The following TBC1D2B variants were observed in gnomAD, a reference collection of about 807,000 sequenced individuals.
TBC1D2B encodes the protein TBC1 domain family member 2B, also known as TBC1 domain family, member 2B.
A neutral mutation model predicts 100.8 loss-of-function variants in TBC1D2B; 64 were observed. The ratio of observed to expected loss-of-function variants is 0.64; its 90% CI spans 0.52 to 0.78. The LOEUF is 0.78. Ranked by LOEUF, TBC1D2B falls within the 30% of genes least tolerant of loss-of-function variation. The pLI is 0.00. For missense variants in TBC1D2B, 1,052 were observed against 1,218.4 expected (o/e 0.86, Z 2.03); for synonymous variants, 480 against 479.7 (o/e 1.00, Z -0.01).
intron 1 of TBC1D2B, among the ~76,000 whole-genome samples, chr15:78,068,393 A>ACC (rs774545892): frequency 2.0e-5 from 3 of 150,720 alleles, no homozygotes; most frequent in African/African-American, 4.9e-5. Context: ...CCACACACAC[A>ACC]CACACACACA....
At chr15:78,008,886 T>C (rs1051410182) in intron 10 of TBC1D2B, 111 bp downstream of exon 10, 24 of 708,812 alleles carry the variant, frequency 3.4e-5, no homozygotes, top group Non-Finnish European at 5.8e-5. Flanking sequence ...AATCAGTCTC[T>C]GAAGTCACAT....
At chr15:78,069,459 T>C (rs1295433497) in intron 1 of TBC1D2B, among the ~76,000 whole-genome samples, 1 of 152,214 alleles carries the variant, frequency 6.6e-6, no homozygotes, top group Non-Finnish European at 1.5e-5. Flanking sequence ...ACATAACATA[T>C]AAATACATCA....
chr15:78,056,686 C>CTTTTTTTTTT (rs368714497), intron 1 of TBC1D2B, among the ~76,000 whole-genome samples: 64 of 112,910 alleles, frequency 5.7e-4, no homozygotes, highest in African/African-American at 2.3e-3. Flanking sequence ...CAGTCCTCCT[C>CTTTTTTTTTT]TTTTTTTTTT....
At chr15:78,068,376 ACCACAC>A (rs964054676) in intron 1 of TBC1D2B, among the ~76,000 whole-genome samples, 5 of 111,328 alleles carry the variant, frequency 4.5e-5, no homozygotes, top group South Asian at 5.4e-4. Context: ...AAGCACACAC[ACCACAC>A]CCACACACAC....
Position 78,008,996 on chromosome 15 carries a change from C to G in TBC1D2B, c.2388+1G>C. The G allele has an allele frequency of 6.3e-7, 1 of 1,575,642 alleles. No homozygotes were observed. Among genetic ancestry groups the G allele is most frequent in the Non-Finnish European group, 8.6e-7 (1 of 1,157,096 alleles). On this transcript the variant is annotated splice_donor_variant, in intron 10 of 12. Transcript: ENST00000300584. LOFTEE classifies it high-confidence loss of function. Reference sequence around the variant, plus strand: ...CTAAAACACAGAATTTTCAGAACTACCTGGGATCCTAAAAGAGTCTTTGTA... The same window carrying G: ...CTAAAACACAGAATTTTCAGAACTAGCTGGGATCCTAAAAGAGTCTTTGTA...
rs61740957 is a variant in TBC1D2B, at chr15:78,016,617, C to T, written c.1704G>A (p.Leu568=). ...QGPTREVIAQ[L]LEDALQVESQ... Reference sequence around the variant, plus strand: ...TCTCAACCTGCAGAGCATCCTCCAGCAACTGGGCTATGACCTCCCGGGTGG... The same window carrying T: ...TCTCAACCTGCAGAGCATCCTCCAGTAACTGGGCTATGACCTCCCGGGTGG... The change falls in exon 8 of 13, where the codon TTG becomes TTA. Residue 568 remains leucine (L), a synonymous_variant. Transcript: ENST00000300584. 4.5e-4 allele frequency: 721 copies of T among 1,612,928 alleles called. 4 individuals are homozygous for T. In the African/African-American group the frequency reaches 8.9e-3, roughly 20 times the overall value.
intron 1 of TBC1D2B, among the ~76,000 whole-genome samples, chr15:78,064,626 C>T (rs1160533484): frequency 6.6e-6 from 1 of 152,014 alleles, no homozygotes; most frequent in Non-Finnish European, 1.5e-5. Context: ...TAATACAAAA[C>T]AAAATTCAAA....
Position 78,008,988 on chromosome 15 carries a change from C to T in TBC1D2B, c.2388+9G>A. The T allele has an allele frequency of 2.6e-6, 4 of 1,558,794 alleles. No homozygotes were observed. Among genetic ancestry groups the T allele is most frequent in the Non-Finnish European group, 3.5e-6 (4 of 1,145,004 alleles). The stretch of plus-strand genomic sequence containing the variant: ...AGTGGTGACTAAAACACAGAATTTT[C>T]AGAACTACCTGGGATCCTAAAAGAG... On this transcript the variant is annotated intron_variant, in intron 10 of 12. Transcript: ENST00000300584.
chr15:78,017,102 C>A (rs1162366381), intron 7 of TBC1D2B: 3 of 183,366 alleles, frequency 1.6e-5, no homozygotes, highest in African/African-American at 2.4e-5. Context: ...CCATGCTATA[C>A]CCATTCTTTC....
intron 1 of TBC1D2B, among the ~76,000 whole-genome samples, chr15:78,064,352 G>A (rs774136787): frequency 2.6e-5 from 4 of 152,078 alleles, no homozygotes; most frequent in African/African-American, 9.7e-5. Context: ...TTAGCCAAAA[G>A]AACAACATAA....
chr15:78,026,194 T>C (rs1179532656), intron 4 of TBC1D2B, among the ~76,000 whole-genome samples: 1 of 152,058 alleles, frequency 6.6e-6, no homozygotes, highest in Non-Finnish European at 1.5e-5. Flanking sequence ...ACTTTGAATG[T>C]GTCCCCCAAA....
At chr15:78,050,623 A>G (rs8033216) in intron 2 of TBC1D2B, among the ~76,000 whole-genome samples, 135,281 of 152,262 alleles carry the variant, frequency 0.89, 60,808 homozygotes, top group East Asian at 0.99. Context: ...TTACTCTTTT[A>G]TGTTGAAACT....
chr15:78,040,855 G>GAAGGAAGAAAAGAAAGAAAGAAAGAAAGA (rs71447186), intron 3 of TBC1D2B, among the ~76,000 whole-genome samples: 22 of 74,740 alleles, frequency 2.9e-4, no homozygotes, highest in Non-Finnish European at 4.7e-4. Context: ...AGAAAGAAAG[G>GAAGGAAGAAAAGAAAGAAAGAAAGAAAGA]AAGAAAGAAA....
chr15:78,021,952 G>A (rs936216151), intron 6 of TBC1D2B, among the ~76,000 whole-genome samples: 8 of 152,148 alleles, frequency 5.3e-5, no homozygotes, highest in African/African-American at 1.4e-4. Context: ...CTCGCTCCCC[G>A]GGAAAACCTG....
chr15:78,037,443 G>A (rs1281144991), intron 3 of TBC1D2B, among the ~76,000 whole-genome samples: 1 of 152,140 alleles, frequency 6.6e-6, no homozygotes, highest in Non-Finnish European at 1.5e-5. Flanking sequence ...TTCCTGGTGT[G>A]CCCAGGTAGG....
chr15:78,005,009 A>G (rs1430925203), intron 10 of TBC1D2B, among the ~76,000 whole-genome samples: 1 of 152,202 alleles, frequency 6.6e-6, no homozygotes, highest in Non-Finnish European at 1.5e-5. Context: ...TCACTGTAAG[A>G]CCAGCTAATG....
intron 4 of TBC1D2B, chr15:78,025,754 C>T (rs1349063530): frequency 9.6e-6 from 2 of 207,508 alleles, no homozygotes; most frequent in Non-Finnish European, 1.9e-5. Context: ...TCTTGATCTC[C>T]TGACGTTGTG....
intron 1 of TBC1D2B, among the ~76,000 whole-genome samples, chr15:78,071,070 C>T (rs62011519): frequency 0.054 from 8,227 of 152,324 alleles, 281 homozygotes; most frequent in Middle Eastern, 0.13. Context: ...GATCCACCCA[C>T]CTCGGCTTCC....
intron 10 of TBC1D2B, among the ~76,000 whole-genome samples, chr15:78,004,316 A>G (rs1007047168): frequency 6.6e-6 from 1 of 152,176 alleles, no homozygotes; most frequent in African/African-American, 2.4e-5. Context: ...CCTGGTAACG[A>G]TGTGTTCATA....
Sources: gnomAD v4.1 joint callset for allele counts (sites outside exome capture counted in the v4.1 genomes callset) on GRCh38, gnomAD v4.1.1 for gene constraint, MANE v1.5 for transcripts, NCBI Gene and HGNC (gene_info 2026-07-23, HGNC 2026-07-21) for gene names.